PLCE1: variants seen among roughly 807,000 people sequenced by gnomAD.
PLCE1 encodes 1-phosphatidylinositol 4,5-bisphosphate phosphodiesterase epsilon-1.
PLCE1 carries 119 observed loss-of-function variants against 242.8 expected under a neutral mutation model. The observed-to-expected ratio is 0.49, with a 90% CI of 0.42 to 0.57. The LOEUF (loss-of-function observed/expected upper bound fraction) is 0.57. PLCE1 is among the 20% of genes least tolerant of loss of function. The pLI, the probability that PLCE1 is intolerant of heterozygous loss-of-function variation, is 0.00. For missense variants in PLCE1, 2,441 were observed against 2,788.8 expected, an observed-to-expected ratio of 0.88 and a Z score of 2.81; for synonymous variants, 945 against 1,017.4, an observed-to-expected ratio of 0.93 and a Z score of 1.35.
intron 2 of PLCE1, among the ~76,000 whole-genome samples, chr10:94,071,621 C>T (rs1239579436): frequency 1.3e-5 from 2 of 150,518 alleles, no homozygotes; most frequent in Non-Finnish European, 2.9e-5. Flanking sequence ...TACTCATCCT[C>T]CCCAGTATCT....
At chr10:94,266,891 G>C (rs2051537453) in intron 16 of PLCE1, among the ~76,000 whole-genome samples, 1 of 152,160 alleles carries the variant, frequency 6.6e-6, no homozygotes, top group Admixed American at 6.5e-5. Context: ...TATGAATGAA[G>C]ATGTGTTCTT....
At chr10:94,060,541 T>C (rs568842934) in intron 2 of PLCE1, among the ~76,000 whole-genome samples, 2 of 152,252 alleles carry the variant, frequency 1.3e-5, no homozygotes, top group Non-Finnish European at 2.9e-5. Flanking sequence ...TGAGTACTCG[T>C]GTGGCTTGCC....
chr10:94,120,276 G>C (rs1252250805), intron 2 of PLCE1, among the ~76,000 whole-genome samples: 1 of 152,176 alleles, frequency 6.6e-6, no homozygotes, highest in Non-Finnish European at 1.5e-5. Flanking sequence ...TCTGCCTGAG[G>C]TGTGTTCACT....
At chr10:94,320,742 C>T (rs2053769458) in intron 29 of PLCE1, among the ~76,000 whole-genome samples, 1 of 152,194 alleles carries the variant, frequency 6.6e-6, no homozygotes, top group African/African-American at 2.4e-5. Context: ...AAGCTATCCT[C>T]ATTTGAAAAT....
intron 4 of PLCE1, among the ~76,000 whole-genome samples, chr10:94,180,721 G>C (rs1206407653): frequency 6.6e-6 from 1 of 152,190 alleles, no homozygotes; most frequent in Non-Finnish European, 1.5e-5. Flanking sequence ...GGACCTCTAA[G>C]AGGTGATTAG....
intron 18 of PLCE1, 146 bp from the exon 19 acceptor site, chr10:94,273,416 G>C: frequency 1.3e-6 from 1 of 789,854 alleles, no homozygotes. Flanking sequence ...CAGGAGCAGG[G>C]GACAGCTTCT....
At position 94,237,178 on chromosome 10, in the gene PLCE1, C is replaced by T. The variant is rs572908832; in HGVS notation, c.2420+1058C>T. On this transcript the variant is annotated intron_variant, in intron 7 of 32. Coordinates refer to ENST00000371380, the MANE Select transcript of PLCE1 (RefSeq NM_016341.4). ...TCTGGCTGAAATTCCTTCCTTAAAT[C>T]CTACTGTTAAGGCTAGGATACATCA... Among the ~76,000 whole-genome samples the T allele has an allele frequency of 4.6e-5, 7 of 152,232 alleles. No individual in the cohort carries two copies. In the East Asian group the frequency reaches 1.4e-3, roughly 29 times the overall value.
chr10:94,206,928 A>C (rs1422651500), intron 4 of PLCE1, among the ~76,000 whole-genome samples: 1 of 152,260 alleles, frequency 6.6e-6, no homozygotes, highest in Non-Finnish European at 1.5e-5. Context: ...ACATACATGC[A>C]CACACGTACA....
At chr10:94,172,450 C>A (rs1217084066) in intron 4 of PLCE1, among the ~76,000 whole-genome samples, 1 of 152,146 alleles carries the variant, frequency 6.6e-6, no homozygotes, top group African/African-American at 2.4e-5. Flanking sequence ...ATTTAGTAAA[C>A]TCTACCTAAA....
chr10:94,099,559 A>G (rs183791910), intron 2 of PLCE1: 1 of 152,354 alleles, frequency 6.6e-6, no homozygotes, highest in African/African-American at 2.4e-5. Flanking sequence ...ATTCTTGTTT[A>G]TAAGGAGGGA....
chr10:94,048,067 T>G (rs1187720236), intron 2 of PLCE1, among the ~76,000 whole-genome samples: 1 of 152,204 alleles, frequency 6.6e-6, no homozygotes, highest in Non-Finnish European at 1.5e-5. Context: ...CTGTATTTTA[T>G]TCCTAAGATT....
intron 5 of PLCE1, among the ~76,000 whole-genome samples, chr10:94,233,773 C>A (rs991909644): frequency 4.6e-5 from 7 of 151,974 alleles, no homozygotes; most frequent in Non-Finnish European, 7.4e-5. Context: ...CATGGCGAAA[C>A]CCCGTCTCTA....
At chr10:94,179,521 T>TGTTTTG (rs67919831) in intron 4 of PLCE1, among the ~76,000 whole-genome samples, 1 of 84,720 alleles carries the variant, frequency 1.2e-5, no homozygotes, top group Non-Finnish European at 2.3e-5. Flanking sequence ...AGTTTTTTTT[T>TGTTTTG]TTTTTTTTTG....
At chr10:94,300,820 G>T (rs1172885430) in intron 24 of PLCE1, among the ~76,000 whole-genome samples, 1 of 152,166 alleles carries the variant, frequency 6.6e-6, no homozygotes, top group Non-Finnish European at 1.5e-5. Flanking sequence ...CAGCACTTTG[G>T]GAGGCCGAGG....
chr10:94,313,167 C>A, intron 27 of PLCE1, 87 bp from the exon 28 acceptor site: 2 of 1,502,158 alleles, frequency 1.3e-6, no homozygotes, highest in Non-Finnish European at 1.8e-6. Context: ...CCTATCCGTA[C>A]TTCTAAGTAC....
intron 8 of PLCE1, among the ~76,000 whole-genome samples, chr10:94,252,048 G>A (rs2050894902): frequency 1.3e-5 from 2 of 152,176 alleles, no homozygotes. Flanking sequence ...CTCTGTAAAT[G>A]GGATGGGAAG....
At chr10:94,070,576 C>G (rs552596418) in intron 2 of PLCE1, among the ~76,000 whole-genome samples, 9 of 152,214 alleles carry the variant, frequency 5.9e-5, no homozygotes, top group Non-Finnish European at 1.3e-4. Flanking sequence ...TCAGTCTAGA[C>G]TCTAATTGTT....
chr10:94,038,493 G>A (rs998002683), intron 2 of PLCE1, among the ~76,000 whole-genome samples: 3 of 152,056 alleles, frequency 2.0e-5, no homozygotes, highest in Non-Finnish European at 2.9e-5. Flanking sequence ...CTAACCCCAA[G>A]GCTCAGTCCC....
chr10:94,232,313 A>C (rs1196395578), intron 5 of PLCE1, among the ~76,000 whole-genome samples: 1 of 152,206 alleles, frequency 6.6e-6, no homozygotes, highest in African/African-American at 2.4e-5. Context: ...TTAATATCTC[A>C]TTCAATATAT....
Sources: allele counts gnomAD v4.1 joint callset (sites outside exome capture counted in the v4.1 genomes callset), GRCh38; gene constraint gnomAD v4.1.1; transcripts MANE v1.5; gene names NCBI Gene and HGNC (gene_info 2026-07-23, HGNC 2026-07-21).